LARP4B: variants seen among roughly 807,000 people sequenced by gnomAD.
The protein encoded by LARP4B is La ribonucleoprotein 4B, also known as la-related protein 4B.
A neutral mutation model predicts 89.8 loss-of-function variants in LARP4B; 12 were observed. The ratio of observed to expected loss-of-function variants is 0.13; its 90% CI spans 0.09 to 0.22. The LOEUF (loss-of-function observed/expected upper bound fraction) is 0.22, where lower values mean the gene tolerates loss of function less well. LARP4B is among the 10% of genes least tolerant of loss of function. LARP4B has a pLI of 1.00. For synonymous variants in LARP4B, 367 were observed against 363.3 expected (o/e 1.01, Z -0.12); for missense variants, 757 against 947.7 (o/e 0.80, Z 2.64).
intron 7 of LARP4B, 62 bp downstream of exon 7, chr10:842,870 C>A: frequency 6.7e-7 from 1 of 1,489,764 alleles, no homozygotes; most frequent in South Asian, 1.2e-5. Flanking sequence ...TTTAAAGGTT[C>A]ATGCTGATAA....
the LARP4B span, among the ~76,000 whole-genome samples, chr10:970,165 T>C: frequency 1.1e-4 from 16 of 152,220 alleles, no homozygotes; most frequent in African/African-American, 3.6e-4. Flanking sequence ...CTTTCTTGCA[T>C]GCCTATACTT....
intron 1 of LARP4B, among the ~76,000 whole-genome samples, chr10:919,000 G>C (rs550856750): frequency 7.8e-4 from 119 of 152,198 alleles, no homozygotes; most frequent in Non-Finnish European, 1.4e-3. Flanking sequence ...AGAATGGCGT[G>C]AACCCGAGAG....
chr10:915,228 C>T (rs544532726), intron 1 of LARP4B, among the ~76,000 whole-genome samples: 7 of 151,844 alleles, frequency 4.6e-5, no homozygotes, highest in South Asian at 2.1e-4. Context: ...GAGGCTGCAG[C>T]GAGCTATGAT....
chr10:967,810 C>T, the LARP4B span, among the ~76,000 whole-genome samples: 1 of 152,208 alleles, frequency 6.6e-6, no homozygotes, highest in Non-Finnish European at 1.5e-5. Context: ...AAGCAATTCT[C>T]CTGCTTCAGC....
chr10:931,191 G>A (rs1830593659), intron 1 of LARP4B, among the ~76,000 whole-genome samples: 1 of 147,472 alleles, frequency 6.8e-6, no homozygotes, highest in South Asian at 2.1e-4. Flanking sequence ...CTCAGCCCCG[G>A]CTTTTTCCTG....
intron 7 of LARP4B, among the ~76,000 whole-genome samples, chr10:836,889 C>T (rs1833250517): frequency 6.6e-6 from 1 of 152,212 alleles, no homozygotes; most frequent in African/African-American, 2.4e-5. Flanking sequence ...GCACTGTTTA[C>T]ATTAGGATGC....
chr10:921,371 A>G (rs534400443), intron 1 of LARP4B, among the ~76,000 whole-genome samples: 1 of 152,346 alleles, frequency 6.6e-6, no homozygotes, highest in African/African-American at 2.4e-5. Context: ...TTGTGGCCAT[A>G]TAACGATTTT....
At chr10:947,479 C>G in the LARP4B span, among the ~76,000 whole-genome samples, 42 of 152,150 alleles carry the variant, frequency 2.8e-4, no homozygotes, top group Non-Finnish European at 4.1e-4. Context: ...AAGTGACAGC[C>G]TGCTACGACA....
chr10:913,993 C>T (rs552571452), intron 1 of LARP4B, among the ~76,000 whole-genome samples: 2 of 152,172 alleles, frequency 1.3e-5, no homozygotes, highest in Admixed American at 6.5e-5. Flanking sequence ...TTCACAAACC[C>T]TTTTCAAAAA....
chr10:814,947 C>A lies in LARP4B; in HGVS notation c.1819G>T (p.Asp607Tyr), dbSNP rs573099323. Reference sequence around the variant, plus strand: ...CGCTGGAAGAACACCAATACTCACTCGGGTAAATGAGCTGGGGAGGGGGAT... The same window carrying A: ...CGCTGGAAGAACACCAATACTCACTAGGGTAAATGAGCTGGGGAGGGGGAT... ...ERSPSPAHLP[D>Y]DPKVAEKQRE... is the part of the protein sequence containing the mutation. The change falls in exon 16 of 18, where the codon GAT (aspartate) becomes TAT (tyrosine). Residue 607 changes from aspartate (D) to tyrosine (Y), a missense_variant and splice_region_variant. Physicochemically the swap from Asp to Tyr is radical, Grantham distance 160. Transcript: ENST00000316157. This position sits in a 1 kb window ranked among gnomAD's most constrained non-coding sequence, Gnocchi z 4.4. 3 of 1,590,472 alleles carry A rather than the reference C, an allele frequency of 1.9e-6. No individual in the cohort carries two copies. The highest frequency in any genetic ancestry group is 2.6e-6 in the Non-Finnish European group (3 of 1,165,974).
intron 1 of LARP4B, among the ~76,000 whole-genome samples, chr10:922,029 G>T (rs1836993671): frequency 6.6e-6 from 1 of 152,024 alleles, no homozygotes; most frequent in Non-Finnish European, 1.5e-5. Flanking sequence ...TGGCACCAGG[G>T]ACTGACAGGT....
At chr10:885,532 T>A in intron 2 of LARP4B, 109 bp downstream of exon 2, 1 of 699,358 alleles carries the variant, frequency 1.4e-6, no homozygotes, top group East Asian at 2.7e-5. Flanking sequence ...TGTATGCAGA[T>A]CCTAAGATGT....
the LARP4B span, among the ~76,000 whole-genome samples, chr10:938,366 T>C: frequency 6.6e-6 from 1 of 151,878 alleles, no homozygotes; most frequent in Non-Finnish European, 1.5e-5. Context: ...TTCTCCTGCC[T>C]CAGCCTCCCG....
chr10:976,479 A>C, the LARP4B span, among the ~76,000 whole-genome samples: 2 of 148,416 alleles, frequency 1.3e-5, no homozygotes, highest in Admixed American at 1.3e-4. Flanking sequence ...CCTGTCGTGT[A>C]ATGTGTGGAT....
At chr10:929,149 A>G (rs1837231604) in intron 1 of LARP4B, among the ~76,000 whole-genome samples, 1 of 152,218 alleles carries the variant, frequency 6.6e-6, no homozygotes, top group Non-Finnish European at 1.5e-5. Context: ...AAAAGAGTGG[A>G]ACTGCTTTCT....
intron 1 of LARP4B, among the ~76,000 whole-genome samples, chr10:925,709 T>C (rs987344830): frequency 6.6e-6 from 1 of 152,128 alleles, no homozygotes; most frequent in Non-Finnish European, 1.5e-5. Flanking sequence ...AATTTTTGTA[T>C]TTTTAGTACA....
intron 1 of LARP4B, among the ~76,000 whole-genome samples, chr10:923,296 T>G (rs1342847974): frequency 6.6e-6 from 1 of 152,176 alleles, no homozygotes; most frequent in Admixed American, 6.5e-5. Flanking sequence ...ACTTTTAAAG[T>G]CAGGACTGAA....
At chr10:945,170 G>T in the LARP4B span, among the ~76,000 whole-genome samples, 1 of 150,952 alleles carries the variant, frequency 6.6e-6, no homozygotes, top group Non-Finnish European at 1.5e-5. Flanking sequence ...GATCACTTGA[G>T]GTCAGGAGTT....
chr10:917,205 C>G (rs2132037049), intron 1 of LARP4B, among the ~76,000 whole-genome samples: 1 of 152,210 alleles, frequency 6.6e-6, no homozygotes, highest in South Asian at 2.1e-4. Context: ...ATTGCTGATT[C>G]TTTTCATGTT....
Sources: gnomAD v4.1 joint callset for allele counts (sites outside exome capture counted in the v4.1 genomes callset) on GRCh38, gnomAD v4.1.1 for gene constraint, Gnocchi (gnomAD v3.1) non-coding constraint, MANE v1.5 for transcripts, NCBI Gene and HGNC (gene_info 2026-07-23, HGNC 2026-07-21) for gene names.